The following NRG3 variants were observed in gnomAD, a reference collection of about 807,000 sequenced individuals.
NRG3 encodes pro-neuregulin-3, membrane-bound isoform.
NRG3 carries 31 observed loss-of-function variants against 66.9 expected under a neutral mutation model. That is an observed-to-expected ratio of 0.46 (90% confidence interval 0.35 to 0.63). The LOEUF is 0.63. Ranked by LOEUF, NRG3 falls within the 20% of genes least tolerant of loss-of-function variation. NRG3 has a pLI of 0.00. For synonymous variants in NRG3, 393 were observed against 359.4 expected, an observed-to-expected ratio of 1.09 and a Z score of -1.06; for missense variants, 910 against 878.9, an observed-to-expected ratio of 1.04 and a Z score of -0.45.
Position 82,494,778 on chromosome 10 carries a change from A to G in NRG3, c.953+135910A>G, listed in dbSNP as rs1273984681. Among the ~76,000 whole-genome samples the G allele has an allele frequency of 3.9e-5, 6 of 152,212 alleles. No homozygotes were observed. The South Asian group carries it at 1.2e-3, about 32-fold the overall frequency. ...TATGTGGTGACTTGCTACTAAACTC[A>G]AACTGCAGGTCACCTCCACCATTTT... is the stretch of plus-strand genomic sequence containing the variant. On this transcript the variant is annotated intron_variant, in intron 2 of 8. Coordinates refer to ENST00000372141, the MANE Select transcript of NRG3 (RefSeq NM_001010848.4).
chr10:82,192,996 AG>A (rs757027517), intron 1 of NRG3, among the ~76,000 whole-genome samples: 12,191 of 142,212 alleles, frequency 0.086, 633 homozygotes, highest in African/African-American at 0.15. Flanking sequence ...AGAGAGAGAG[AG>A]TTTGTGAGGT....
intron 4 of NRG3, among the ~76,000 whole-genome samples, chr10:82,928,607 A>C (rs2132133561): frequency 1.1e-5 from 1 of 87,840 alleles, no homozygotes; most frequent in African/African-American, 4.4e-5. Context: ...TTCAGGGATC[A>C]GCAGGTTTTT....
intron 2 of NRG3, among the ~76,000 whole-genome samples, chr10:82,625,177 C>G (rs1384095709): frequency 6.6e-6 from 1 of 151,836 alleles, no homozygotes; most frequent in Non-Finnish European, 1.5e-5. Flanking sequence ...AGGATAAGGA[C>G]AGCAGCATCT....
chr10:81,907,754 C>T (rs1236401041), intron 1 of NRG3, among the ~76,000 whole-genome samples: 1 of 152,110 alleles, frequency 6.6e-6, no homozygotes, highest in African/African-American at 2.4e-5. Flanking sequence ...CTAATCTTAA[C>T]AGTGCATGTT....
Position 82,384,001 on chromosome 10 carries a change from G to A in NRG3, c.953+25133G>A, listed in dbSNP as rs547940694. ...TAAATATTTTAAAAACAATTTTACT[G>A]CATCACTAAACATTAATCTGCTATT... On this transcript the variant is annotated intron_variant, in intron 2 of 8. Transcript: ENST00000372141. Among the ~76,000 whole-genome samples, 41 of 151,882 alleles carry A rather than the reference G, an allele frequency of 2.7e-4. 1 individual carries two copies. In the South Asian group the frequency reaches 7.5e-3, roughly 28 times the overall value.
intron 3 of NRG3, among the ~76,000 whole-genome samples, chr10:82,788,183 A>G (rs1011178120): frequency 6.6e-6 from 1 of 152,222 alleles, no homozygotes; most frequent in African/African-American, 2.4e-5. Context: ...AACTCAAATT[A>G]TTCAGCAGGA....
chr10:82,888,530 G>C, intron 4 of NRG3, among the ~76,000 whole-genome samples: 1 of 152,164 alleles, frequency 6.6e-6, no homozygotes, highest in South Asian at 2.1e-4. Flanking sequence ...AGTGTAAGTA[G>C]ATAGCATGAT....
chr10:82,432,483 C>A (rs1011679015), intron 2 of NRG3, among the ~76,000 whole-genome samples: 1 of 131,724 alleles, frequency 7.6e-6, no homozygotes, highest in African/African-American at 2.9e-5. Context: ...CATTTTTTTT[C>A]TGTATTTCTT....
chr10:82,078,125 A>AG (rs1355113794), intron 1 of NRG3, among the ~76,000 whole-genome samples: 1 of 152,112 alleles, frequency 6.6e-6, no homozygotes, highest in African/African-American at 2.4e-5. Flanking sequence ...ATTAAAAAAA[A>AG]ATTTTTTTTA....
At chr10:82,622,370 T>G (rs1016043031) in intron 2 of NRG3, among the ~76,000 whole-genome samples, 8 of 152,064 alleles carry the variant, frequency 5.3e-5, no homozygotes, top group African/African-American at 1.7e-4. Context: ...GCAAAGATAA[T>G]ATATCAAAGA....
At chr10:82,189,983 C>G (rs1589259082) in intron 1 of NRG3, among the ~76,000 whole-genome samples, 1 of 150,504 alleles carries the variant, frequency 6.6e-6, no homozygotes, top group African/African-American at 2.4e-5. Context: ...AACAAACAAA[C>G]AAAAAAAACA....
At chr10:82,930,003 G>C (rs1245598716) in intron 4 of NRG3, among the ~76,000 whole-genome samples, 3 of 152,144 alleles carry the variant, frequency 2.0e-5, no homozygotes, top group Non-Finnish European at 4.4e-5. Flanking sequence ...AGTGGCAATA[G>C]AGCATCCAGA....
intron 3 of NRG3, among the ~76,000 whole-genome samples, chr10:82,741,599 C>A (rs192641536): frequency 1.4e-4 from 22 of 152,250 alleles, no homozygotes; most frequent in Admixed American, 7.2e-4. Context: ...TAAACCCTCA[C>A]AATCACAGTT....
At chr10:82,228,107 A>G (rs867589068) in intron 1 of NRG3, among the ~76,000 whole-genome samples, 1 of 152,240 alleles carries the variant, frequency 6.6e-6, no homozygotes, top group Non-Finnish European at 1.5e-5. Flanking sequence ...GGAAAAGGTC[A>G]AAACCCAGAC....
intron 2 of NRG3, among the ~76,000 whole-genome samples, chr10:82,615,526 C>T (rs2048592356): frequency 1.3e-5 from 2 of 152,032 alleles, no homozygotes; most frequent in African/African-American, 2.4e-5. Context: ...CTTGTAGTGT[C>T]TTAACATCCC....
At position 82,132,481 on chromosome 10, in the gene NRG3, T is replaced by TATATATATATC. The variant is rs1379496349; in HGVS notation, c.824-226248_824-226247insCATATATATAT. On this transcript the variant is annotated intron_variant, in intron 1 of 8. Coordinates refer to ENST00000372141, the MANE Select transcript of NRG3 (RefSeq NM_001010848.4). Reference sequence around the variant, plus strand: ...TATGATATATATGATATATATATGATATATATATATGATATATATATATCA... The same window carrying TATATATATATC: ...TATGATATATATGATATATATATGATATATATATATCATATATATATGATATATATATATCA... Among the ~76,000 whole-genome samples, 31 of 7,292 alleles carry TATATATATATC rather than the reference T, an allele frequency of 4.3e-3. 1 individual carries two copies. The highest frequency in any genetic ancestry group is 0.1 in the Middle Eastern group (1 of 10). 4.8% of individuals were successfully genotyped at this position (7,292 alleles called of 152,430 possible). A position where few individuals can be genotyped will look rare whatever the true frequency, so the allele number is the denominator to read the frequency against.
At chr10:82,651,960 C>T (rs2051449343) in intron 2 of NRG3, among the ~76,000 whole-genome samples, 2 of 152,218 alleles carry the variant, frequency 1.3e-5, no homozygotes, top group African/African-American at 4.8e-5. Context: ...ACTCAACCCA[C>T]AGTTCTTGAC....
chr10:82,643,310 A>G (rs1365246793), intron 2 of NRG3, among the ~76,000 whole-genome samples: 1 of 152,096 alleles, frequency 6.6e-6, no homozygotes, highest in Non-Finnish European at 1.5e-5. Flanking sequence ...GGTTTTAAAA[A>G]GGAGAGTTTC....
At chr10:82,377,949 T>A (rs1252669118) in intron 2 of NRG3, among the ~76,000 whole-genome samples, 1 of 152,230 alleles carries the variant, frequency 6.6e-6, no homozygotes, top group Non-Finnish European at 1.5e-5. Context: ...CGATAGAATT[T>A]GACCATCATT....
Sources: allele counts gnomAD v4.1 joint callset (sites outside exome capture counted in the v4.1 genomes callset), GRCh38; gene constraint gnomAD v4.1.1; transcripts MANE v1.5; gene names NCBI Gene and HGNC (gene_info 2026-07-23, HGNC 2026-07-21).